The following NALF1 variants were observed in gnomAD, a reference collection of about 807,000 sequenced individuals.
The protein encoded by NALF1 is NALCN channel auxiliary factor 1, also known as family with sequence similarity 155 member A.
A neutral mutation model predicts 48.4 loss-of-function variants in NALF1; 3 were observed. That is an observed-to-expected ratio of 0.06 (90% CI 0.03 to 0.16). NALF1 has a LOEUF of 0.16. Among genes scored for constraint, NALF1 ranks in the 10% least tolerant of loss-of-function variants. NALF1 has a pLI of 1.00. For synonymous variants in NALF1, 262 were observed against 245.7 expected (o/e 1.07, Z -0.62); for missense variants, 526 against 571.5 (o/e 0.92, Z 0.81).
chr13:107,594,400 A>G (rs1484136870), intron 1 of NALF1, among the ~76,000 whole-genome samples: 1 of 151,996 alleles, frequency 6.6e-6, no homozygotes, highest in Non-Finnish European at 1.5e-5. Context: ...TGCACAATCA[A>G]TATTACCAAT....
chr13:107,416,005 T>TA (rs1884078573), intron 1 of NALF1, among the ~76,000 whole-genome samples: 1 of 149,864 alleles, frequency 6.7e-6, no homozygotes, highest in South Asian at 2.2e-4. Context: ...ATATGCAGAT[T>TA]TTTTTTTCTT....
At chr13:107,630,988 C>A (rs941760582) in intron 1 of NALF1, among the ~76,000 whole-genome samples, 2 of 151,834 alleles carry the variant, frequency 1.3e-5, no homozygotes, top group African/African-American at 4.8e-5. Flanking sequence ...TTTTCTTATT[C>A]TTTTGTTGTA....
chr13:107,736,198 C>T (rs536834674), intron 1 of NALF1, among the ~76,000 whole-genome samples: 738 of 6,428 alleles, frequency 0.11, 6 homozygotes, highest in South Asian at 0.15. Context: ...CACACATACA[C>T]ACACACACAC....
chr13:107,689,031 G>A (rs1047628772), intron 1 of NALF1, among the ~76,000 whole-genome samples: 1 of 152,206 alleles, frequency 6.6e-6, no homozygotes, highest in African/African-American at 2.4e-5. Flanking sequence ...AGGAGTTTAG[G>A]ATTCTGCTCT....
chr13:107,724,081 C>A (rs985592207), intron 1 of NALF1, among the ~76,000 whole-genome samples: 9 of 152,058 alleles, frequency 5.9e-5, no homozygotes, highest in African/African-American at 2.2e-4. Context: ...ATACTGCTTA[C>A]AAAGAACACA....
At chr13:107,602,689 T>C (rs1353581490) in intron 1 of NALF1, among the ~76,000 whole-genome samples, 4 of 152,240 alleles carry the variant, frequency 2.6e-5, no homozygotes, top group South Asian at 2.1e-4. Flanking sequence ...AGTTTGATTC[T>C]ATAAAAGGTT....
At chr13:107,716,450 C>G (rs758165234) in intron 1 of NALF1, among the ~76,000 whole-genome samples, 1 of 152,230 alleles carries the variant, frequency 6.6e-6, no homozygotes, top group Admixed American at 6.5e-5. Flanking sequence ...CTTTCCCTCC[C>G]AATCTCATTT....
At chr13:107,757,472 A>G (rs1197612873) in intron 1 of NALF1, among the ~76,000 whole-genome samples, 2 of 146,886 alleles carry the variant, frequency 1.4e-5, no homozygotes, top group Admixed American at 1.4e-4. Context: ...TGTGAATGAT[A>G]AGGGGCTAGA....
intron 1 of NALF1, among the ~76,000 whole-genome samples, chr13:107,763,902 T>G (rs957070963): frequency 3.7e-4 from 57 of 152,146 alleles, no homozygotes; most frequent in African/African-American, 1.2e-3. Flanking sequence ...ATCCTAAGTG[T>G]GTCACCTCTT....
chr13:107,548,971 A>G (rs1245575623), intron 1 of NALF1, among the ~76,000 whole-genome samples: 5 of 152,202 alleles, frequency 3.3e-5, no homozygotes, highest in African/African-American at 1.2e-4. Context: ...AAGAAATACC[A>G]TAATTGCACA....
intron 2 of NALF1, among the ~76,000 whole-genome samples, chr13:107,172,516 T>C (rs1348171961): frequency 6.6e-6 from 1 of 152,214 alleles, no homozygotes; most frequent in Admixed American, 6.5e-5. Context: ...GATATCCTTA[T>C]AATGATGCTT....
At chr13:107,811,167 G>A (rs1277518795) in intron 1 of NALF1, among the ~76,000 whole-genome samples, 1 of 152,022 alleles carries the variant, frequency 6.6e-6, no homozygotes, top group Non-Finnish European at 1.5e-5. Context: ...TCTTTAAGCA[G>A]CATCCATCTC....
intron 1 of NALF1, among the ~76,000 whole-genome samples, chr13:107,321,877 CG>C (rs1882262720): frequency 6.7e-6 from 1 of 148,874 alleles, no homozygotes; most frequent in Non-Finnish European, 1.5e-5. Context: ...CCTAAAAAAA[CG>C]GTATATATTT....
At chr13:107,200,321 A>G (rs1005133498) in intron 2 of NALF1, among the ~76,000 whole-genome samples, 1 of 152,096 alleles carries the variant, frequency 6.6e-6, no homozygotes, top group East Asian at 1.9e-4. Flanking sequence ...CTGGGTGGCT[A>G]TATCTGGGGT....
At chr13:107,347,480 T>G (rs1265504463) in intron 1 of NALF1, among the ~76,000 whole-genome samples, 1 of 152,198 alleles carries the variant, frequency 6.6e-6, no homozygotes, top group African/African-American at 2.4e-5. Flanking sequence ...CGTAGAATAG[T>G]CCATGTAATT....
At chr13:107,417,688 T>C (rs141836265) in intron 1 of NALF1, among the ~76,000 whole-genome samples, 1 of 152,268 alleles carries the variant, frequency 6.6e-6, no homozygotes, top group African/African-American at 2.4e-5. Flanking sequence ...TTTCGTAATA[T>C]CACCAATGTA....
At chr13:107,414,892 T>C (rs954777847) in intron 1 of NALF1, among the ~76,000 whole-genome samples, 9 of 152,072 alleles carry the variant, frequency 5.9e-5, no homozygotes, top group Non-Finnish European at 1.0e-4. Context: ...AATAAATATC[T>C]TAAAATAGTC....
intron 1 of NALF1, among the ~76,000 whole-genome samples, chr13:107,834,399 A>G (rs968254152): frequency 2.0e-5 from 3 of 152,208 alleles, no homozygotes; most frequent in African/African-American, 4.8e-5. Flanking sequence ...AACGTTTTTT[A>G]TAACTGCACA....
At chr13:107,295,086 C>T (rs1308506887) in intron 1 of NALF1, among the ~76,000 whole-genome samples, 1 of 151,968 alleles carries the variant, frequency 6.6e-6, no homozygotes, top group Non-Finnish European at 1.5e-5. Flanking sequence ...TATGATTGAA[C>T]CCATCACCCA....
Sources: gnomAD v4.1 joint callset for allele counts (sites outside exome capture counted in the v4.1 genomes callset) on GRCh38, gnomAD v4.1.1 for gene constraint, MANE v1.5 for transcripts, NCBI Gene and HGNC (gene_info 2026-07-23, HGNC 2026-07-21) for gene names.